Variants in NWD2 observed in about 807,000 individuals in gnomAD.
NWD2 encodes the protein NACHT and WD repeat domain-containing protein 2.
A neutral mutation model predicts 132.7 loss-of-function variants in NWD2; 37 were observed. The observed-to-expected ratio is 0.28, with a 90% CI of 0.21 to 0.37. The LOEUF (loss-of-function observed/expected upper bound fraction) is 0.37. Ranked by LOEUF, NWD2 falls within the 10% of genes least tolerant of loss-of-function variation. The pLI, the probability that NWD2 is intolerant of heterozygous loss-of-function variation, is 1.00. For synonymous variants in NWD2, 705 were observed against 803.0 expected (o/e 0.88, Z 2.06); for missense variants, 1,592 against 2,122.4 (o/e 0.75, Z 4.91).
At chr4:37,356,588 T>C (rs1719875524) in intron 3 of NWD2, 106 bp downstream of exon 3, 2 of 694,186 alleles carry the variant, frequency 2.9e-6, no homozygotes, top group Admixed American at 4.9e-5. Context: ...GGAAAAAGAC[T>C]TTTTTATGTC....
At chr4:37,246,405 C>G (rs551675996) in intron 1 of NWD2, among the ~76,000 whole-genome samples, 119 of 152,186 alleles carry the variant, frequency 7.8e-4, no homozygotes, top group Non-Finnish European at 1.3e-3. Flanking sequence ...AGAATCAAAA[C>G]GATAACATGC....
chr4:37,358,120 A>G (rs1187977677), intron 3 of NWD2, among the ~76,000 whole-genome samples: 1 of 152,144 alleles, frequency 6.6e-6, no homozygotes, highest in African/African-American at 2.4e-5. Context: ...GGAACCATCG[A>G]TTTTGGAAAG....
At chr4:37,295,915 G>A (rs556977141) in intron 1 of NWD2, among the ~76,000 whole-genome samples, 25 of 152,186 alleles carry the variant, frequency 1.6e-4, no homozygotes, top group African/African-American at 5.3e-4. Flanking sequence ...ACATTTGTAC[G>A]TTTGTCCACT....
chr4:37,281,147 A>G (rs1718120036), intron 1 of NWD2, among the ~76,000 whole-genome samples: 1 of 152,096 alleles, frequency 6.6e-6, no homozygotes, highest in South Asian at 2.1e-4. Context: ...AACAACCACA[A>G]CAAAATCAAA....
intron 1 of NWD2, among the ~76,000 whole-genome samples, chr4:37,325,389 A>G (rs1322667172): frequency 6.6e-6 from 1 of 152,164 alleles, no homozygotes; most frequent in African/African-American, 2.4e-5. Flanking sequence ...TTGAATCTAC[A>G]GTGGGTGGAT....
intron 1 of NWD2, among the ~76,000 whole-genome samples, chr4:37,259,613 T>C (rs1182130362): frequency 2.0e-5 from 3 of 152,116 alleles, no homozygotes; most frequent in Admixed American, 2.0e-4. Context: ...TCTGTCAATA[T>C]ACCAACCACT....
intron 1 of NWD2, among the ~76,000 whole-genome samples, chr4:37,255,275 T>G (rs948184046): frequency 2.0e-5 from 3 of 152,152 alleles, no homozygotes; most frequent in African/African-American, 4.8e-5. Context: ...GTATCTGATA[T>G]CCCGGTGTGG....
rs576896006 is a variant in NWD2, at chr4:37,320,334, T to A, written c.152-5602T>A. On this transcript the variant is annotated intron_variant, in intron 1 of 6. Transcript: ENST00000309447. ...CTTAGCTAGAAGATATATTTACACT[T>A]GCTAAGCATTCTAGCCTTTATCCTC... 1.4e-4 allele frequency among the ~76,000 whole-genome samples: 21 copies of A among 152,336 alleles called. No individual in the cohort carries two copies. In the East Asian group the frequency reaches 4.0e-3, roughly 29 times the overall value.
In NWD2 at chr4:37,390,420, TGACAG is replaced by T. The variant is rs1301573217; in HGVS notation, c.357+33939_357+33943del. On this transcript the variant is annotated intron_variant, in intron 3 of 6. Transcript: ENST00000309447. ...GGGCATAATCTGAAATTTTTTTTTT[TGACAG>T]TGAGTTATTTTTAAAATATTCAGAA... 6.2e-4 allele frequency among the ~76,000 whole-genome samples: 94 copies of T among 152,270 alleles called. No homozygotes were observed. In the East Asian group the frequency reaches 0.018, roughly 28 times the overall value.
At chr4:37,366,321 C>T (rs1443032689) in intron 3 of NWD2, among the ~76,000 whole-genome samples, 1 of 152,142 alleles carries the variant, frequency 6.6e-6, no homozygotes, top group Non-Finnish European at 1.5e-5. Flanking sequence ...AACCGAGCCG[C>T]GGCCCAGTTC....
intron 1 of NWD2, among the ~76,000 whole-genome samples, chr4:37,308,770 C>T (rs559846967): frequency 7.9e-5 from 12 of 151,888 alleles, no homozygotes; most frequent in Non-Finnish European, 1.5e-4. Context: ...ACTCAGTAGC[C>T]TTGACACTGG....
chr4:37,346,298 C>A lies in NWD2; in HGVS notation c.241-10068C>A, dbSNP rs556729437. Among the ~76,000 whole-genome samples the A allele has an allele frequency of 3.3e-4, 50 of 152,164 alleles. No individual in the cohort carries two copies. In the Middle Eastern group the frequency reaches 0.01, roughly 31 times the overall value. ...GATGTGACATTGAATTGTTTTAGTA[C>A]CCTTATTGAAAATCAGTTGACCTTA... is the stretch of plus-strand genomic sequence containing the variant. On this transcript the variant is annotated intron_variant, in intron 2 of 6. Coordinates refer to ENST00000309447, the MANE Select transcript of NWD2 (RefSeq NM_001144990.2).
chr4:37,344,478 G>C (rs917429020), intron 2 of NWD2, among the ~76,000 whole-genome samples: 2 of 152,018 alleles, frequency 1.3e-5, no homozygotes, highest in African/African-American at 4.8e-5. Context: ...GCCTGGATGA[G>C]GGCAATACTG....
chr4:37,356,579 GA>G (rs1298015295), intron 3 of NWD2, 97 bp downstream of exon 3: 1 of 751,306 alleles, frequency 1.3e-6, no homozygotes, highest in Non-Finnish European at 2.2e-6. Flanking sequence ...AAATGAGGGG[GA>G]AAAAGACTTT....
At chr4:37,266,717 TATATC>T (rs948581929) in intron 1 of NWD2, among the ~76,000 whole-genome samples, 8 of 152,054 alleles carry the variant, frequency 5.3e-5, no homozygotes, top group African/African-American at 1.9e-4. Context: ...TTTCTTAACT[TATATC>T]ATTAATTATA....
intron 1 of NWD2, among the ~76,000 whole-genome samples, chr4:37,307,846 C>T (rs905951692): frequency 3.3e-5 from 5 of 151,986 alleles, no homozygotes; most frequent in African/African-American, 9.7e-5. Flanking sequence ...GTCAAAAGAC[C>T]TGTCTTCAAG....
intron 1 of NWD2, among the ~76,000 whole-genome samples, chr4:37,248,822 G>A (rs928739842): frequency 1.3e-5 from 2 of 152,196 alleles, no homozygotes; most frequent in African/African-American, 4.8e-5. Context: ...TATTACTGAT[G>A]AAAACAGTGC....
intron 2 of NWD2, among the ~76,000 whole-genome samples, chr4:37,347,309 A>G (rs1234078980): frequency 6.6e-6 from 1 of 152,136 alleles, no homozygotes; most frequent in African/African-American, 2.4e-5. Flanking sequence ...ATTATTTCAT[A>G]GACATATGTT....
chr4:37,301,054 T>C (rs1189812823), intron 1 of NWD2, among the ~76,000 whole-genome samples: 1 of 152,150 alleles, frequency 6.6e-6, no homozygotes, highest in African/African-American at 2.4e-5. Context: ...TTTGTTTTTC[T>C]AAAAATGTCC....
Sources: allele counts gnomAD v4.1 joint callset (sites outside exome capture counted in the v4.1 genomes callset), GRCh38; gene constraint gnomAD v4.1.1; transcripts MANE v1.5; gene names NCBI Gene and HGNC (gene_info 2026-07-23, HGNC 2026-07-21).